Variants in NEMP2 observed in about 807,000 individuals in gnomAD.
The protein encoded by NEMP2 is nuclear envelope integral membrane protein 2.
In NEMP2, 53 loss-of-function variants were observed where a neutral mutation model predicts 54.2. That is an observed-to-expected ratio of 0.98 (90% CI 0.78 to 1.23). The LOEUF is 1.23. Ranked by LOEUF, NEMP2 falls within the 50% of genes most tolerant of loss-of-function variation. The pLI is 0.00. For synonymous variants in NEMP2, 197 were observed against 190.3 expected, an observed-to-expected ratio of 1.04 and a Z score of -0.29; for missense variants, 455 against 511.3, an observed-to-expected ratio of 0.89 and a Z score of 1.06.
chr2:190,616,151 C>T, the NEMP2 span, among the ~76,000 whole-genome samples: 1 of 152,208 alleles, frequency 6.6e-6, no homozygotes, highest in Admixed American at 6.5e-5. The surrounding 1 kb of genome is among the most constrained non-coding windows in gnomAD (Gnocchi z 5.1). Flanking sequence ...AGGGAGAAAG[C>T]AGCTGCTCAA....
At chr2:190,534,233 G>C in intron 1 of NEMP2, 2 of 1,094,348 alleles carry the variant, frequency 1.8e-6, no homozygotes, top group Non-Finnish European at 2.2e-6. Context: ...CTGTGCCAGT[G>C]ACAAGCTGTG....
the NEMP2 span, among the ~76,000 whole-genome samples, chr2:190,441,264 C>T: frequency 3.3e-5 from 5 of 152,006 alleles, no homozygotes; most frequent in African/African-American, 4.8e-5. Context: ...TACTTGGGTT[C>T]GGCTAATGTA....
At chr2:190,640,087 G>T in the NEMP2 span, among the ~76,000 whole-genome samples, 1 of 151,860 alleles carries the variant, frequency 6.6e-6, no homozygotes, top group Non-Finnish European at 1.5e-5. Flanking sequence ...AGGTTGTTTT[G>T]CTCTGTTCTA....
At chr2:190,601,413 C>T in the NEMP2 span, among the ~76,000 whole-genome samples, 1 of 152,072 alleles carries the variant, frequency 6.6e-6, no homozygotes, top group Non-Finnish European at 1.5e-5. This position sits in a 1 kb window ranked among gnomAD's most constrained non-coding sequence, Gnocchi z 5.8. Context: ...TTATGGCCAC[C>T]CTAGGAAACT....
the NEMP2 span, chr2:190,646,974 G>A: frequency 6.6e-6 from 1 of 152,190 alleles, no homozygotes; most frequent in Admixed American, 6.5e-5. Context: ...AGATTCCATA[G>A]AGGAATTAGA....
intron 1 of NEMP2, chr2:190,534,168 G>A: frequency 9.8e-7 from 1 of 1,016,058 alleles, no homozygotes; most frequent in Non-Finnish European, 1.2e-6. Flanking sequence ...ATTTCAACAC[G>A]CATTGATGTA....
At chr2:190,570,226 T>C in the NEMP2 span, among the ~76,000 whole-genome samples, 2 of 152,256 alleles carry the variant, frequency 1.3e-5, no homozygotes, top group Non-Finnish European at 2.9e-5. This position sits in a 1 kb window ranked among gnomAD's most constrained non-coding sequence, Gnocchi z 5.4. Flanking sequence ...TCTTGTTCAT[T>C]TGTTTACTTA....
chr2:190,511,699 C>T (rs923959761), intron 7 of NEMP2, among the ~76,000 whole-genome samples: 25 of 150,702 alleles, frequency 1.7e-4, no homozygotes, highest in Middle Eastern at 3.4e-3. Context: ...GGATTACAGA[C>T]GCACGCCACC....
chr2:190,436,389 T>C, the NEMP2 span: 1 of 1,614,214 alleles, frequency 6.2e-7, no homozygotes, highest in African/African-American at 1.3e-5. This position sits in a 1 kb window ranked among gnomAD's most constrained non-coding sequence, Gnocchi z 5.3. Context: ...GTGCCCCCTT[T>C]TGGGGTGTAG....
chr2:190,624,147 A>G, the NEMP2 span, among the ~76,000 whole-genome samples: 13 of 152,158 alleles, frequency 8.5e-5, no homozygotes, highest in Non-Finnish European at 1.8e-4. Flanking sequence ...AAAGACCCAA[A>G]TAGATATTTC....
chr2:190,615,526 A>C, the NEMP2 span, among the ~76,000 whole-genome samples: 2 of 152,294 alleles, frequency 1.3e-5, no homozygotes, highest in Admixed American at 1.3e-4. The surrounding 1 kb of genome is among the most constrained non-coding windows in gnomAD (Gnocchi z 4.7). Flanking sequence ...GCAACCTGGA[A>C]ATCTTCCAAA....
At position 190,527,437 on chromosome 2, in the gene NEMP2, T is replaced by C. The variant is rs1559166830; in HGVS notation, c.98-2059A>G. ...CACAACTCCATAAAAGGGAGGGTTT[T>C]CCGGTGGCCACACGAAGCAGCAAAA... On this transcript the variant is annotated intron_variant, in intron 1 of 8. Transcript: ENST00000409150. The surrounding 1 kb of genome is among the most constrained non-coding windows in gnomAD (Gnocchi z 4.0). 6.6e-6 allele frequency among the ~76,000 whole-genome samples: 1 copy of C among 152,170 alleles called. No individual in the cohort carries two copies.
the NEMP2 span, among the ~76,000 whole-genome samples, chr2:190,451,633 G>A: frequency 2.0e-5 from 3 of 152,184 alleles, no homozygotes; most frequent in African/African-American, 4.8e-5. This position sits in a 1 kb window ranked among gnomAD's most constrained non-coding sequence, Gnocchi z 5.0. Context: ...GTTTCAGCTC[G>A]GTTAGGCTGG....
the NEMP2 span, among the ~76,000 whole-genome samples, chr2:190,481,855 T>G: frequency 1.1e-4 from 17 of 152,348 alleles, 1 homozygote; most frequent in South Asian, 3.3e-3. Flanking sequence ...CTAAGTCCAT[T>G]GCTCTTTGTA....
rs1690793849 is a variant in NEMP2, at chr2:190,522,695, T to G, written c.213+2568A>C. On this transcript the variant is annotated intron_variant, in intron 2 of 8. Coordinates refer to ENST00000409150, the MANE Select transcript of NEMP2 (RefSeq NM_001142645.2). The surrounding 1 kb of genome is among the most constrained non-coding windows in gnomAD (Gnocchi z 5.0). Reference sequence around the variant, plus strand: ...TAAGTCTGATAAGAAGCATTTATAATCTATTCTCTCTAAAGCCTGCTACCT... The same window carrying G: ...TAAGTCTGATAAGAAGCATTTATAAGCTATTCTCTCTAAAGCCTGCTACCT... Among the ~76,000 whole-genome samples, 1 of 152,206 alleles carries G rather than the reference T, an allele frequency of 6.6e-6. No individual in the cohort carries two copies. The highest frequency in any genetic ancestry group is 1.5e-5 in the Non-Finnish European group (1 of 68,040).
At chr2:190,517,875 A>G (rs952560260) in intron 4 of NEMP2, among the ~76,000 whole-genome samples, 1 of 152,242 alleles carries the variant, frequency 6.6e-6, no homozygotes. Flanking sequence ...CTGAACACCT[A>G]TCATGTAGCA....
the NEMP2 span, among the ~76,000 whole-genome samples, chr2:190,645,474 T>C: frequency 6.6e-6 from 1 of 152,248 alleles, no homozygotes; most frequent in African/African-American, 2.4e-5. Context: ...GAAAATGTTA[T>C]ATATTTAATC....
At chr2:190,642,784 T>C in the NEMP2 span, among the ~76,000 whole-genome samples, 3 of 152,154 alleles carry the variant, frequency 2.0e-5, no homozygotes, top group Non-Finnish European at 4.4e-5. This position sits in a 1 kb window ranked among gnomAD's most constrained non-coding sequence, Gnocchi z 4.1. Flanking sequence ...TATTATACCT[T>C]AGATCTTGTA....
At chr2:190,546,555 A>C in the NEMP2 span, among the ~76,000 whole-genome samples, 712 of 152,292 alleles carry the variant, frequency 4.7e-3, 8 homozygotes, top group African/African-American at 0.017. This position sits in a 1 kb window ranked among gnomAD's most constrained non-coding sequence, Gnocchi z 5.1. Context: ...AATAAAGTCC[A>C]TCTACCTGAA....
Sources: gnomAD v4.1 joint callset for allele counts (sites outside exome capture counted in the v4.1 genomes callset) on GRCh38, gnomAD v4.1.1 for gene constraint, Gnocchi (gnomAD v3.1) non-coding constraint, MANE v1.5 for transcripts, NCBI Gene and HGNC (gene_info 2026-07-23, HGNC 2026-07-21) for gene names.